The following MTTP variants were observed in gnomAD, a reference collection of about 807,000 sequenced individuals.
MTTP encodes the protein microsomal triglyceride transfer protein large subunit.
MTTP carries 49 observed loss-of-function variants against 90.6 expected under a neutral mutation model. The observed-to-expected ratio is 0.54, with a 90% CI of 0.43 to 0.69. MTTP has a LOEUF of 0.69. MTTP is among the 30% of genes least tolerant of loss of function. The pLI is 0.00. For missense variants in MTTP, 945 were observed against 1,067.5 expected (o/e 0.89, Z 1.60); for synonymous variants, 347 against 384.2 (o/e 0.90, Z 1.13).
At chr4:99,588,757 A>G (rs867177876) in intron 3 of MTTP, among the ~76,000 whole-genome samples, 3 of 96,134 alleles carry the variant, frequency 3.1e-5, no homozygotes, top group African/African-American at 1.6e-4. Flanking sequence ...ATATATATAC[A>G]CACATATATA....
intron 3 of MTTP, among the ~76,000 whole-genome samples, chr4:99,589,066 T>TATGTTCATATATATATTC (rs1725346068): frequency 8.5e-6 from 1 of 117,218 alleles, no homozygotes; most frequent in Non-Finnish European, 1.8e-5. Context: ...TATTCATATA[T>TATGTTCATATATATATTC]ATATATATTT....
At chr4:99,575,031 C>T (rs1724922759) in intron 1 of MTTP, 61 bp downstream of exon 1, 16 of 1,547,380 alleles carry the variant, frequency 1.0e-5, no homozygotes, top group East Asian at 2.2e-5. Context: ...GAGGCAGATA[C>T]GTGCGTGTGT....
At chr4:99,567,938 T>C (rs1373385459) in intron 1 of MTTP, among the ~76,000 whole-genome samples, 1 of 152,126 alleles carries the variant, frequency 6.6e-6, no homozygotes, top group Non-Finnish European at 1.5e-5. Flanking sequence ...TCGAATTTCA[T>C]TTAAAGTTGC....
chr4:99,573,451 A>AACTTAAGGGGGTATAT (rs1231115916), upstream of MTTP, among the ~76,000 whole-genome samples: 1 of 152,154 alleles, frequency 6.6e-6, no homozygotes, highest in African/African-American at 2.4e-5. Context: ...TCGTATTTAT[A>AACTTAAGGGGGTATAT]ACTTAAGGGG....
intron 11 of MTTP, among the ~76,000 whole-genome samples, chr4:99,607,620 A>T (rs534946654): frequency 4.1e-4 from 62 of 152,364 alleles, no homozygotes; most frequent in South Asian, 2.1e-4. Context: ...GGGAAATGAA[A>T]TTAAAGAAAT....
chr4:99,585,294 T>A (rs1376379701), intron 3 of MTTP, among the ~76,000 whole-genome samples: 1 of 152,126 alleles, frequency 6.6e-6, no homozygotes, highest in Non-Finnish European at 1.5e-5. Context: ...CTTATCAACC[T>A]CTTGTGATAG....
chr4:99,577,930 T>G (rs938526643), intron 1 of MTTP, among the ~76,000 whole-genome samples: 14 of 152,142 alleles, frequency 9.2e-5, no homozygotes, highest in Non-Finnish European at 1.9e-4. Context: ...ACCCTTACTT[T>G]TTAGTCAATT....
At chr4:99,607,906 G>T (rs1725856542) in intron 11 of MTTP, among the ~76,000 whole-genome samples, 1 of 151,882 alleles carries the variant, frequency 6.6e-6, no homozygotes, top group Non-Finnish European at 1.5e-5. Context: ...AAGGTGTGTG[G>T]GAACTCTCTG....
At chr4:99,574,740 G>A, upstream of MTTP, 1 of 1,476,920 alleles carries the variant, frequency 6.8e-7, no homozygotes. Flanking sequence ...GAGCCCTTCA[G>A]TGAACTTAGG....
chr4:99,584,088 A>G (rs888710308), intron 3 of MTTP: 1 of 152,512 alleles, frequency 6.6e-6, no homozygotes, highest in African/African-American at 2.4e-5. Flanking sequence ...TGAACACTTT[A>G]TAATATATAT....
At chr4:99,622,630 G>T in intron 17 of MTTP, 47 bp from the exon 18 acceptor site, 1 of 1,597,156 alleles carries the variant, frequency 6.3e-7, no homozygotes, top group South Asian at 1.1e-5. Context: ...GGTATAGGGT[G>T]ACTTAACTGT....
rs1560613994 is a variant in MTTP, at chr4:99,581,889, C to T, written c.62-16C>T. On this transcript the variant is annotated splice_polypyrimidine_tract_variant and intron_variant, in intron 1 of 17. Coordinates refer to ENST00000265517, the MANE Select transcript of MTTP (RefSeq NM_001386140.1). Reference sequence around the variant, plus strand: ...CTTACAATGAAAACTGGATATGTGTCATTATCTTTATGCAGGTCACACAAC... The same window carrying T: ...CTTACAATGAAAACTGGATATGTGTTATTATCTTTATGCAGGTCACACAAC... 3 of 1,613,466 alleles carry T rather than the reference C, an allele frequency of 1.9e-6. No homozygotes were observed. Among genetic ancestry groups the T allele is most frequent in the Non-Finnish European group, 2.5e-6 (3 of 1,179,530 alleles).
chr4:99,619,148 C>A, intron 16 of MTTP, 50 bp downstream of exon 16: 1 of 1,503,636 alleles, frequency 6.7e-7, no homozygotes, highest in Non-Finnish European at 9.2e-7. Flanking sequence ...AGACTATATA[C>A]AGAGAACTTC....
rs374499849 is a variant in MTTP, at chr4:99,591,500, T to C, written c.618+149T>C. 6 of 1,076,842 alleles carry C rather than the reference T, an allele frequency of 5.6e-6. 1 individual carries two copies. Among genetic ancestry groups the C allele is most frequent in the African/African-American group, 4.7e-5 (3 of 63,560 alleles). The allele number at this position is 1,076,842 out of a possible 1,614,324, so 66.7% of individuals were successfully genotyped here. A position where few individuals can be genotyped will look rare whatever the true frequency, so the allele number is the denominator to read the frequency against. On this transcript the variant is annotated intron_variant, in intron 5 of 17. Coordinates refer to ENST00000265517, the MANE Select transcript of MTTP (RefSeq NM_001386140.1). ...TACAAATTCACACATATGTAATGAA[T>C]AGACCCATTTCAATTGTTGTAGGTG...
chr4:99,587,037 A>G (rs1725274788), intron 3 of MTTP, among the ~76,000 whole-genome samples: 1 of 152,216 alleles, frequency 6.6e-6, no homozygotes, highest in East Asian at 1.9e-4. Flanking sequence ...GAATGAAGTA[A>G]TCAACTTTAT....
At chr4:99,570,811 T>C (rs538601968), upstream of MTTP, 16 of 455,304 alleles carry the variant, frequency 3.5e-5, no homozygotes, top group South Asian at 2.5e-4. Flanking sequence ...GATTTGTAAA[T>C]GCAGGAAGGG....
At chr4:99,606,717 A>G in intron 10 of MTTP, 31 bp from the exon 11 acceptor site, 1 of 1,598,814 alleles carries the variant, frequency 6.3e-7, no homozygotes, top group Middle Eastern at 2.1e-4. Flanking sequence ...ATGTATGGTC[A>G]TGCATATATC....
At chr4:99,585,234 C>A (rs1725229109) in intron 3 of MTTP, among the ~76,000 whole-genome samples, 1 of 152,268 alleles carries the variant, frequency 6.6e-6, no homozygotes, top group South Asian at 2.1e-4. Context: ...AAAGGCATTA[C>A]ACGAACTGTC....
chr4:99,577,280 C>G (rs1303719740), intron 1 of MTTP, among the ~76,000 whole-genome samples: 1 of 152,006 alleles, frequency 6.6e-6, no homozygotes, highest in East Asian at 1.9e-4. Context: ...ATCCTCAGAT[C>G]TGGGTGGATG....
Sources: allele counts gnomAD v4.1 joint callset (sites outside exome capture counted in the v4.1 genomes callset), GRCh38; gene constraint gnomAD v4.1.1; transcripts MANE v1.5; gene names NCBI Gene and HGNC (gene_info 2026-07-23, HGNC 2026-07-21).